The following CACHD1 variants were observed in gnomAD, a reference collection of about 807,000 sequenced individuals.
CACHD1 encodes VWFA and cache domain-containing protein 1.
Under a neutral mutation model 138.7 loss-of-function variants are expected in CACHD1, and 71 were observed. The ratio of observed to expected loss-of-function variants is 0.51; its 90% CI spans 0.42 to 0.62. The LOEUF (loss-of-function observed/expected upper bound fraction) is 0.62. Among genes scored for constraint, CACHD1 ranks in the 20% least tolerant of loss-of-function variants. The pLI, the probability that CACHD1 is intolerant of heterozygous loss-of-function variation, is 0.00. For synonymous variants in CACHD1, 578 were observed against 591.5 expected, an observed-to-expected ratio of 0.98 and a Z score of 0.33; for missense variants, 1,389 against 1,625.3, an observed-to-expected ratio of 0.85 and a Z score of 2.50.
chr1:64,561,544 A>G (rs1306350372), intron 2 of CACHD1, among the ~76,000 whole-genome samples: 1 of 152,056 alleles, frequency 6.6e-6, no homozygotes, highest in Non-Finnish European at 1.5e-5. Context: ...GTTTTTTATT[A>G]TTTCTTGTAT....
intron 1 of CACHD1, among the ~76,000 whole-genome samples, chr1:64,526,025 C>T (rs1646536012): frequency 6.6e-6 from 1 of 152,176 alleles, no homozygotes; most frequent in African/African-American, 2.4e-5. Flanking sequence ...TCTATGCCAG[C>T]ATTGCTTTAT....
At chr1:64,626,932 A>G (rs1232163284) in intron 4 of CACHD1, among the ~76,000 whole-genome samples, 1 of 152,150 alleles carries the variant, frequency 6.6e-6, no homozygotes, top group African/African-American at 2.4e-5. Context: ...TCTTGTAGGT[A>G]AGGATTTAGT....
intron 9 of CACHD1, among the ~76,000 whole-genome samples, chr1:64,649,320 C>G (rs1480458823): frequency 6.6e-6 from 1 of 152,136 alleles, no homozygotes; most frequent in Non-Finnish European, 1.5e-5. Flanking sequence ...CCTTTGCCTC[C>G]TAAAGTGCAG....
intron 6 of CACHD1, among the ~76,000 whole-genome samples, 194 bp from the exon 7 acceptor site, chr1:64,633,850 T>C (rs1270392325): frequency 6.6e-6 from 1 of 152,198 alleles, no homozygotes; most frequent in East Asian, 1.9e-4. Context: ...CTCTAGGGGT[T>C]TCCCCACTTT....
chr1:64,645,214 T>C (rs1194856231), intron 8 of CACHD1, among the ~76,000 whole-genome samples: 1 of 152,206 alleles, frequency 6.6e-6, no homozygotes, highest in African/African-American at 2.4e-5. Flanking sequence ...GGTTACATTC[T>C]ATCTAACAAA....
chr1:64,582,832 G>A (rs1405041859), intron 3 of CACHD1, among the ~76,000 whole-genome samples: 1 of 152,118 alleles, frequency 6.6e-6, no homozygotes, highest in Non-Finnish European at 1.5e-5. Flanking sequence ...GGGGTATAGG[G>A]CTATGGGATG....
intron 7 of CACHD1, 78 bp from the exon 8 acceptor site, chr1:64,641,742 A>T (rs2100659476): frequency 8.5e-7 from 1 of 1,173,802 alleles, no homozygotes; most frequent in South Asian, 1.8e-5. Context: ...GGGAAGTCCA[A>T]GGACATGAAC....
At chr1:64,516,568 C>T (rs980600260) in intron 1 of CACHD1, among the ~76,000 whole-genome samples, 1 of 152,188 alleles carries the variant, frequency 6.6e-6, no homozygotes, top group African/African-American at 2.4e-5. Context: ...ATGAGCCAGA[C>T]TCGATTATGC....
At chr1:64,576,903 G>GTTTTTTTTTTTTTTTTT in intron 2 of CACHD1, among the ~76,000 whole-genome samples, 1 of 147,856 alleles carries the variant, frequency 6.8e-6, no homozygotes, top group Non-Finnish European at 1.5e-5. Context: ...GGGTTTGTTT[G>GTTTTTTTTTTTTTTTTT]TTTGTTTTTT....
chr1:64,646,612 A>T (rs779794245), intron 8 of CACHD1, among the ~76,000 whole-genome samples: 71 of 152,044 alleles, frequency 4.7e-4, no homozygotes, highest in Non-Finnish European at 9.3e-4. Flanking sequence ...TATGCCTGTA[A>T]TCCCAGCTAC....
chr1:64,664,533 C>T lies in CACHD1; in HGVS notation c.2130C>T (p.His710=), dbSNP rs748259703. Reference sequence around the variant, plus strand: ...GAAATGAAGTAATGGCTACCAGCCACGTCACAGATGAATGGATGACACAAA... The same window carrying T: ...GAAATGAAGTAATGGCTACCAGCCATGTCACAGATGAATGGATGACACAAA... ...SVRNEVMATS[H]VTDEWMTQME... is the part of the protein sequence containing the mutation. The change falls in exon 15 of 27, where the codon CAC becomes CAT. Residue 710 remains histidine (H), a synonymous_variant. Coordinates refer to ENST00000651257, the MANE Select transcript of CACHD1 (RefSeq NM_020925.4). 54 of 1,614,080 alleles carry T rather than the reference C, an allele frequency of 3.3e-5. No individual in the cohort carries two copies. Among genetic ancestry groups the T allele is most frequent in the South Asian group, 1.6e-4 (15 of 91,090 alleles).
intron 2 of CACHD1, among the ~76,000 whole-genome samples, chr1:64,556,330 C>T (rs1296309813): frequency 6.6e-6 from 1 of 152,202 alleles, no homozygotes; most frequent in Non-Finnish European, 1.5e-5. Flanking sequence ...GTTAGTTATT[C>T]AAAGCAGATT....
At chr1:64,492,653 G>A (rs931226541) in intron 1 of CACHD1, among the ~76,000 whole-genome samples, 5 of 151,992 alleles carry the variant, frequency 3.3e-5, no homozygotes, top group African/African-American at 7.2e-5. Context: ...TCCGCTGATC[G>A]TTAGAGTTAA....
At chr1:64,574,080 C>A (rs939201996) in intron 2 of CACHD1, among the ~76,000 whole-genome samples, 7 of 152,050 alleles carry the variant, frequency 4.6e-5, no homozygotes, top group African/African-American at 1.7e-4. Context: ...TGGGCTGGAA[C>A]CAGAAGGAAT....
At chr1:64,546,875 A>T (rs12092553) in intron 1 of CACHD1, among the ~76,000 whole-genome samples, 1 of 152,176 alleles carries the variant, frequency 6.6e-6, no homozygotes. Flanking sequence ...GGATTCTTTA[A>T]TTACCCTGGA....
intron 1 of CACHD1, among the ~76,000 whole-genome samples, chr1:64,495,544 A>G (rs1183167495): frequency 6.6e-6 from 1 of 152,188 alleles, no homozygotes; most frequent in Non-Finnish European, 1.5e-5. Context: ...TATGTCCCCA[A>G]TGTACTTGGT....
At chr1:64,505,726 C>A (rs1206912355) in intron 1 of CACHD1, among the ~76,000 whole-genome samples, 1 of 145,056 alleles carries the variant, frequency 6.9e-6, no homozygotes, top group African/African-American at 2.6e-5. Context: ...GCCCCTCCCC[C>A]TCTTGGCTGC....
intron 2 of CACHD1, among the ~76,000 whole-genome samples, chr1:64,571,179 G>A (rs1231598098): frequency 6.6e-6 from 1 of 152,132 alleles, no homozygotes; most frequent in African/African-American, 2.4e-5. Flanking sequence ...GATACTCAAG[G>A]CCAGTCTTTA....
rs150534180 is a variant in CACHD1 at position 64,685,554 on chromosome 1, C to G, written c.3586+3448C>G. Among the ~76,000 whole-genome samples, 941 of 151,998 alleles carry G rather than the reference C, an allele frequency of 6.2e-3. 11 individuals carry two copies. The highest frequency in any genetic ancestry group is 0.022 in the African/African-American group (892 of 41,482). On this transcript the variant is annotated intron_variant, in intron 26 of 26. Transcript: ENST00000651257. ...TTCACTTTGAAGCCTACTTCTCCCC[C>G]TTTTTTTTCCACAAGCTGTTGAGAC... is the stretch of plus-strand genomic sequence containing the variant.
Sources: gnomAD v4.1 joint callset for allele counts (sites outside exome capture counted in the v4.1 genomes callset) on GRCh38, gnomAD v4.1.1 for gene constraint, MANE v1.5 for transcripts, NCBI Gene and HGNC (gene_info 2026-07-23, HGNC 2026-07-21) for gene names.